The following KIF9 variants were observed in gnomAD, a reference collection of about 807,000 sequenced individuals.
KIF9 encodes the protein kinesin family member 9.
A neutral mutation model predicts 94.8 loss-of-function variants in KIF9; 68 were observed. That is an observed-to-expected ratio of 0.72 (90% CI 0.59 to 0.88). The LOEUF is 0.88. Ranked by LOEUF, KIF9 falls within the 40% of genes least tolerant of loss-of-function variation. The pLI, the probability that KIF9 is intolerant of heterozygous loss-of-function variation, is 0.00. For synonymous variants in KIF9, 343 were observed against 362.1 expected, an observed-to-expected ratio of 0.95 and a Z score of 0.60; for missense variants, 882 against 982.5, an observed-to-expected ratio of 0.90 and a Z score of 1.37.
chr3:47,257,453 TG>T, intron 10 of KIF9, 29 bp downstream of exon 10: 1 of 1,596,866 alleles, frequency 6.3e-7, no homozygotes, highest in Non-Finnish European at 8.6e-7. Flanking sequence ...TTCCCCACAG[TG>T]GGACACCTGT....
intron 20 of KIF9, among the ~76,000 whole-genome samples, chr3:47,228,940 T>C (rs928416637): frequency 6.6e-6 from 1 of 152,214 alleles, no homozygotes; most frequent in African/African-American, 2.4e-5. Flanking sequence ...GCAGGCATAT[T>C]TGAAAGGAGG....
At chr3:47,239,898 A>G (rs1699339178) in intron 17 of KIF9, 1 of 1,367,826 alleles carries the variant, frequency 7.3e-7, no homozygotes, top group Non-Finnish European at 9.8e-7. Flanking sequence ...AAGCCCAGTA[A>G]CCTGTGGTGT....
chr3:47,232,483 C>T (rs1698670053), intron 20 of KIF9, among the ~76,000 whole-genome samples: 1 of 151,562 alleles, frequency 6.6e-6, no homozygotes, highest in Admixed American at 6.6e-5. Context: ...CGAGGTTTCA[C>T]CATGTTGGCC....
intron 9 of KIF9, among the ~76,000 whole-genome samples, chr3:47,261,842 C>T (rs1559453488): frequency 6.6e-6 from 1 of 152,154 alleles, no homozygotes; most frequent in Non-Finnish European, 1.5e-5. Flanking sequence ...GTCAGACTCT[C>T]CTACTCCAAG....
chr3:47,247,936 G>T, intron 11 of KIF9, 82 bp downstream of exon 11: 1 of 1,043,550 alleles, frequency 9.6e-7, no homozygotes, highest in Non-Finnish European at 1.5e-6. Flanking sequence ...GACCCATGAT[G>T]CTGTCTGCCC....
At chr3:47,242,190 A>AT (rs778617630) in intron 16 of KIF9, among the ~76,000 whole-genome samples, 20 of 152,224 alleles carry the variant, frequency 1.3e-4, no homozygotes, top group Non-Finnish European at 2.5e-4. Flanking sequence ...TTTTTGATAT[A>AT]TTTTTGAATG....
intron 7 of KIF9, 51 bp downstream of exon 7, chr3:47,266,924 GA>G: frequency 2.2e-6 from 3 of 1,367,406 alleles, no homozygotes; most frequent in Non-Finnish European, 2.1e-6. Context: ...CACTGTGCCA[GA>G]AAAAGGGCTT....
At chr3:47,271,844 G>A (rs1006434070) in intron 4 of KIF9, among the ~76,000 whole-genome samples, 4 of 152,154 alleles carry the variant, frequency 2.6e-5, no homozygotes, top group African/African-American at 7.2e-5. Flanking sequence ...TTTGTCAGCC[G>A]GGTGTGGTGG....
Position 47,245,648 on chromosome 3 carries a change from C to T in KIF9, c.1290-137G>A, listed in dbSNP as rs565239708. The T allele has an allele frequency of 4.4e-6, 3 of 682,148 alleles. No homozygotes were observed. In the Admixed American group the frequency reaches 7.3e-5, roughly 17 times the overall value. 42.3% of individuals were successfully genotyped at this position (682,148 alleles called of 1,614,324 possible). A position where few individuals can be genotyped will look rare whatever the true frequency, so the allele number is the denominator to read the frequency against. On this transcript the variant is annotated intron_variant, in intron 13 of 20. Coordinates refer to ENST00000684063, the MANE Select transcript of KIF9 (RefSeq NM_182902.4). ...GCCACACCTTCATCATGAACCAGAC[C>T]AGACAAAAGGACAAAGGACTCACTT...
chr3:47,275,182 A>G, intron 3 of KIF9, 143 bp downstream of exon 3: 1 of 654,966 alleles, frequency 1.5e-6, no homozygotes, highest in Non-Finnish European at 2.5e-6. Context: ...ACAAGCAAAC[A>G]GTAAGTTTTG....
At chr3:47,228,819 G>A (rs1319959744) in intron 20 of KIF9, 117 bp from the exon 21 acceptor site, 2 of 804,700 alleles carry the variant, frequency 2.5e-6, no homozygotes, top group South Asian at 1.4e-5. Flanking sequence ...CATGGGTTGT[G>A]GACAAGGATT....
At chr3:47,271,988 C>T (rs746739568) in intron 4 of KIF9, among the ~76,000 whole-genome samples, 11 of 152,060 alleles carry the variant, frequency 7.2e-5, no homozygotes, top group South Asian at 2.1e-4. Flanking sequence ...GGCGTGGTGG[C>T]GTGCGCCTGT....
chr3:47,247,339 G>A (rs775563806), intron 12 of KIF9, 34 bp downstream of exon 12: 1 of 1,466,604 alleles, frequency 6.8e-7, no homozygotes, highest in East Asian at 2.3e-5. Context: ...GGCCCAGGCT[G>A]GCTGAGCATA....
At chr3:47,268,937 T>C (rs1701461023) in intron 5 of KIF9, among the ~76,000 whole-genome samples, 1 of 152,054 alleles carries the variant, frequency 6.6e-6, no homozygotes. Context: ...GCCTTGTCTT[T>C]CTTTTTTTGT....
intron 20 of KIF9, among the ~76,000 whole-genome samples, chr3:47,229,483 A>AT (rs1372638797): frequency 6.6e-6 from 1 of 152,354 alleles, no homozygotes; most frequent in Middle Eastern, 3.4e-3. Context: ...AGACTCAGTA[A>AT]AACAGGAAAC....
At position 47,236,327 on chromosome 3, in the gene KIF9, C is replaced by T. The variant is rs914368874; in HGVS notation, c.2101+116G>A. On this transcript the variant is annotated intron_variant, in intron 18 of 20. Coordinates refer to ENST00000684063, the MANE Select transcript of KIF9 (RefSeq NM_182902.4). ...GGAACCACACATCTCAAGCCCCTGCCCAGCCCCTGGCTCTGCCAGAGAGAA... is the reference window on the plus strand; with the variant it reads ...GGAACCACACATCTCAAGCCCCTGCTCAGCCCCTGGCTCTGCCAGAGAGAA... The T allele has an allele frequency of 2.8e-5, 34 of 1,229,468 alleles. No individual in the cohort carries two copies. In the Admixed American group the frequency reaches 7.0e-4, roughly 25 times the overall value. 76.2% of individuals were successfully genotyped at this position (1,229,468 alleles called of 1,614,324 possible).
Position 47,267,292 on chromosome 3 carries a change from T to C in KIF9, c.592-29A>G, listed in dbSNP as rs1316674611. On this transcript the variant is annotated intron_variant, in intron 5 of 20. Transcript: ENST00000684063. ...AAGAGGAAGGGAATCATAGGCAACA[T>C]TTCGAAAAACTAAAACGACAAGGCA... The C allele has an allele frequency of 2.6e-6, 4 of 1,539,314 alleles. No individual in the cohort carries two copies. In the Admixed American group the frequency reaches 5.0e-5, roughly 19 times the overall value.
intron 5 of KIF9, among the ~76,000 whole-genome samples, chr3:47,270,810 A>G (rs1393455876): frequency 1.3e-5 from 2 of 151,752 alleles, no homozygotes; most frequent in African/African-American, 2.4e-5. Context: ...AACTTGCTAA[A>G]TGTGCATATA....
chr3:47,281,391 A>G (rs561892879), intron 1 of KIF9, among the ~76,000 whole-genome samples: 6 of 152,176 alleles, frequency 3.9e-5, no homozygotes, highest in Non-Finnish European at 7.4e-5. Flanking sequence ...TCTGTCACCT[A>G]GGCTGGAGTG....
Sources: allele counts gnomAD v4.1 joint callset (sites outside exome capture counted in the v4.1 genomes callset), GRCh38; gene constraint gnomAD v4.1.1; transcripts MANE v1.5; gene names NCBI Gene and HGNC (gene_info 2026-07-23, HGNC 2026-07-21).